Variants in LRP1B observed in about 807,000 individuals in gnomAD.
LRP1B encodes low-density lipoprotein receptor-related protein 1B.
Under a neutral mutation model 556.6 loss-of-function variants are expected in LRP1B, and 217 were observed. That is an observed-to-expected ratio of 0.39 (90% CI 0.35 to 0.44). The LOEUF (loss-of-function observed/expected upper bound fraction) is 0.44, where lower values mean the gene tolerates loss of function less well. LRP1B is among the 20% of genes least tolerant of loss of function. The probability of loss-of-function intolerance (pLI) is 1.00; values close to 1 mark genes in which losing one functional copy is unlikely to be tolerated. For synonymous variants in LRP1B, 2,047 were observed against 1,865.8 expected, an observed-to-expected ratio of 1.10 and a Z score of -2.50; for missense variants, 5,053 against 5,620.8, an observed-to-expected ratio of 0.90 and a Z score of 3.23.
chr2:140,527,911 C>A (rs915880920), intron 47 of LRP1B, among the ~76,000 whole-genome samples: 1 of 151,920 alleles, frequency 6.6e-6, no homozygotes, highest in Non-Finnish European at 1.5e-5. Context: ...AATTGCATTT[C>A]TCTGTTTAAT....
chr2:141,348,293 T>C (rs1019843408), intron 3 of LRP1B, among the ~76,000 whole-genome samples: 1 of 151,986 alleles, frequency 6.6e-6, no homozygotes, highest in African/African-American at 2.4e-5. Flanking sequence ...TAGAAGAAAG[T>C]ACAAACAGAT....
At position 140,457,662 on chromosome 2, in the gene LRP1B, A is replaced by G. The variant is rs2105324464; in HGVS notation, c.9626-11T>C. Reference sequence around the variant, plus strand: ...TATCTTGATTAGGGACTGTAATAGGAGATGGTAAGATTAATGTTCAGTCTT... The same window carrying G: ...TATCTTGATTAGGGACTGTAATAGGGGATGGTAAGATTAATGTTCAGTCTT... On this transcript the variant is annotated splice_polypyrimidine_tract_variant and intron_variant, in intron 60 of 90. Coordinates refer to ENST00000389484, the MANE Select transcript of LRP1B (RefSeq NM_018557.3). 8 of 1,602,024 alleles carry G rather than the reference A, an allele frequency of 5.0e-6. No homozygotes were observed. In the African/African-American group the frequency reaches 5.3e-5, roughly 11 times the overall value.
chr2:142,006,236 A>G lies in LRP1B; in HGVS notation c.82+124412T>C, dbSNP rs1390240734. Among the ~76,000 whole-genome samples, 6 of 152,166 alleles carry G rather than the reference A, an allele frequency of 3.9e-5. No homozygotes were observed. The East Asian group carries it at 1.2e-3, about 29-fold the overall frequency. On this transcript the variant is annotated intron_variant, in intron 1 of 90. Coordinates refer to ENST00000389484, the MANE Select transcript of LRP1B (RefSeq NM_018557.3). The stretch of plus-strand genomic sequence containing the variant: ...TTCACATCCTGCTATATTATTTGTA[A>G]CCCAATAAAGTTTTCCAATTTAACA...
chr2:141,211,262 A>G (rs1682532183), intron 6 of LRP1B, among the ~76,000 whole-genome samples: 1 of 150,698 alleles, frequency 6.6e-6, no homozygotes, highest in African/African-American at 2.4e-5. Context: ...TGCTGGGATT[A>G]TAAGCATGAG....
In LRP1B at chr2:140,291,158, T is replaced by C. The variant is rs1254489838; in HGVS notation, c.12967+6650A>G. ...CTCCTGCTAATAGAAACAGGAAAAA[T>C]AAATTTCCAAAGGCTTTCCCTTTGC... On this transcript the variant is annotated intron_variant, in intron 84 of 90. Coordinates refer to ENST00000389484, the MANE Select transcript of LRP1B (RefSeq NM_018557.3). Among the ~76,000 whole-genome samples, 3 of 150,898 alleles carry C rather than the reference T, an allele frequency of 2.0e-5. No individual in the cohort carries two copies. The East Asian group carries it at 5.9e-4, about 30-fold the overall frequency.
At chr2:140,749,527 G>T (rs1417423507) in intron 35 of LRP1B, among the ~76,000 whole-genome samples, 1 of 151,234 alleles carries the variant, frequency 6.6e-6, no homozygotes, top group Non-Finnish European at 1.5e-5. Context: ...AAACTTTTTT[G>T]TTAAAAACAA....
intron 35 of LRP1B, among the ~76,000 whole-genome samples, chr2:140,754,758 C>T (rs1244927331): frequency 7.8e-6 from 1 of 128,064 alleles, no homozygotes; most frequent in Non-Finnish European, 1.6e-5. Flanking sequence ...AATCTTCTTG[C>T]TTAAGAACTA....
At chr2:142,129,965 G>A (rs892033842) in intron 1 of LRP1B, among the ~76,000 whole-genome samples, 3 of 152,102 alleles carry the variant, frequency 2.0e-5, no homozygotes, top group African/African-American at 7.2e-5. Context: ...AAAAGGAAAA[G>A]CAAAGCGCCA....
intron 41 of LRP1B, among the ~76,000 whole-genome samples, chr2:140,611,101 A>T (rs1219876057): frequency 6.6e-6 from 1 of 152,214 alleles, no homozygotes; most frequent in African/African-American, 2.4e-5. Flanking sequence ...CTGTTGGATA[A>T]ATTATCATCC....
At chr2:141,638,283 T>A (rs2105358812) in intron 2 of LRP1B, among the ~76,000 whole-genome samples, 1 of 152,256 alleles carries the variant, frequency 6.6e-6, no homozygotes, top group South Asian at 2.1e-4. Flanking sequence ...TTGCCTTCCA[T>A]CATGATTGGA....
In LRP1B at chr2:140,356,449, T is replaced by C. The variant is rs759946064; in HGVS notation, c.11423A>G (p.Asn3808Ser). 2 of 1,606,802 alleles carry C rather than the reference T, an allele frequency of 1.2e-6. No homozygotes were observed. The highest frequency in any genetic ancestry group is 1.1e-5 in the South Asian group (1 of 90,836). ...TGCATCATCTCCACATGGATTCACA[T>C]TATCTTCACAGGTATATTCAGTAGG... ...IAPTEYTCED[N>S]VNPCGDDAYC... The change falls in exon 75 of 91, where the codon AAT (asparagine) becomes AGT (serine). Residue 3808 changes from asparagine to serine, a missense_variant. This residue lies in a region of LRP1B where 599 missense variants were observed against 648.4 expected (regional missense o/e 0.92). Coordinates refer to ENST00000389484, the MANE Select transcript of LRP1B (RefSeq NM_018557.3).
intron 3 of LRP1B, among the ~76,000 whole-genome samples, chr2:141,467,134 A>ATATATATATC (rs1682258363): frequency 6.3e-5 from 1 of 15,836 alleles, no homozygotes; most frequent in African/African-American, 8.5e-5. Flanking sequence ...CTATATATAT[A>ATATATATATC]TATATATATA....
At chr2:141,840,708 G>A (rs2105759814) in intron 1 of LRP1B, among the ~76,000 whole-genome samples, 1 of 152,176 alleles carries the variant, frequency 6.6e-6, no homozygotes, top group East Asian at 1.9e-4. Context: ...TCTATAATAG[G>A]TTAGAAGGTG....
intron 43 of LRP1B, among the ~76,000 whole-genome samples, chr2:140,566,507 G>A (rs1048888376): frequency 2.0e-5 from 3 of 151,932 alleles, no homozygotes; most frequent in South Asian, 2.1e-4. Flanking sequence ...CACTGCCTCC[G>A]GAGGGAAGAG....
At position 141,179,764 on chromosome 2, in the gene LRP1B, C is replaced by T. The variant is rs565342519; in HGVS notation, c.1013+8657G>A. Among the ~76,000 whole-genome samples, 15 of 151,980 alleles carry T rather than the reference C, an allele frequency of 9.9e-5. No individual in the cohort carries two copies. The East Asian group carries it at 2.3e-3, about 24-fold the overall frequency. The stretch of plus-strand genomic sequence containing the variant: ...CTTAATCCTAAAGTCAGGCCAAATT[C>T]TTGCAAGTCAAACCACTAAGAGTCT... On this transcript the variant is annotated intron_variant, in intron 7 of 90. Coordinates refer to ENST00000389484, the MANE Select transcript of LRP1B (RefSeq NM_018557.3).
intron 2 of LRP1B, among the ~76,000 whole-genome samples, chr2:141,771,683 C>A (rs1005417425): frequency 2.0e-5 from 3 of 152,078 alleles, no homozygotes; most frequent in Non-Finnish European, 4.4e-5. Context: ...TAATCCCCAA[C>A]GTAATGGTAT....
intron 7 of LRP1B, among the ~76,000 whole-genome samples, chr2:141,111,710 C>A (rs1700755221): frequency 6.6e-6 from 1 of 152,132 alleles, no homozygotes; most frequent in South Asian, 2.1e-4. Flanking sequence ...TAGGAACCTG[C>A]TCTCAAGACC....
intron 1 of LRP1B, among the ~76,000 whole-genome samples, chr2:141,882,423 C>T (rs1258724036): frequency 5.3e-5 from 8 of 152,144 alleles, no homozygotes; most frequent in Admixed American, 2.0e-4. Flanking sequence ...AGTCCCAAAT[C>T]CATGAAGCCT....
chr2:141,885,493 ACAAACAAAC>A (rs758651378), intron 1 of LRP1B, among the ~76,000 whole-genome samples: 3 of 152,180 alleles, frequency 2.0e-5, no homozygotes, highest in Non-Finnish European at 4.4e-5. Context: ...AAACAAACAA[ACAAACAAAC>A]AAAAAACGCT....
Sources: allele counts gnomAD v4.1 joint callset (sites outside exome capture counted in the v4.1 genomes callset), GRCh38; gene constraint gnomAD v4.1.1; regional missense constraint gnomAD v4.1.1; transcripts MANE v1.5; gene names NCBI Gene and HGNC (gene_info 2026-07-23, HGNC 2026-07-21).